The following ZFHX3 variants were observed in gnomAD, a reference collection of about 807,000 sequenced individuals.
The protein encoded by ZFHX3 is zinc finger homeobox protein 3.
In ZFHX3, 42 loss-of-function variants were observed where a neutral mutation model predicts 279.1. The ratio of observed to expected loss-of-function variants is 0.15; its 90% CI spans 0.12 to 0.19. The LOEUF is 0.19. Ranked by LOEUF, ZFHX3 falls within the 10% of genes least tolerant of loss-of-function variation. The pLI is 1.00. For missense variants in ZFHX3, 4,981 were observed against 4,754.0 expected (o/e 1.05, Z -1.40); for synonymous variants, 2,293 against 1,957.8 (o/e 1.17, Z -4.52).
At position 72,831,531 on chromosome 16, in the gene ZFHX3, A is replaced by G. The variant is rs543483709; in HGVS notation, c.3449-1672T>C. Among the ~76,000 whole-genome samples, 17 of 152,354 alleles carry G rather than the reference A, an allele frequency of 1.1e-4. No individual in the cohort carries two copies. In the Middle Eastern group the frequency reaches 0.01, roughly 91 times the overall value. On this transcript the variant is annotated intron_variant, in intron 4 of 9. Coordinates refer to ENST00000268489, the MANE Select transcript of ZFHX3 (RefSeq NM_006885.4). The stretch of plus-strand genomic sequence containing the variant: ...AACCACAGCTTGAAGTCAATCAGAT[A>G]TAGAGCCCCACATTGACACCATACA...
chr16:72,986,114 G>A (rs1244795423), intron 1 of ZFHX3, among the ~76,000 whole-genome samples: 4 of 149,818 alleles, frequency 2.7e-5, no homozygotes, highest in African/African-American at 9.8e-5. Context: ...CGGTTAACAT[G>A]TTCTTCCCAG....
intron 5 of ZFHX3, among the ~76,000 whole-genome samples, chr16:73,213,253 A>C (rs951242336): frequency 6.6e-6 from 1 of 152,200 alleles, no homozygotes; most frequent in African/African-American, 2.4e-5. Flanking sequence ...AATCACTTTT[A>C]TTGTGTGCAA....
At chr16:73,448,197 T>C (rs1233410346) in intron 3 of ZFHX3, among the ~76,000 whole-genome samples, 2 of 152,096 alleles carry the variant, frequency 1.3e-5, no homozygotes, top group Non-Finnish European at 2.9e-5. Flanking sequence ...CAAAAGATTA[T>C]ACATTAAGGT....
intron 5 of ZFHX3, among the ~76,000 whole-genome samples, chr16:73,245,361 T>C (rs1401649470): frequency 2.6e-5 from 4 of 152,186 alleles, no homozygotes; most frequent in African/African-American, 9.6e-5. Context: ...CCTCAAACTC[T>C]TGGGCTCTAG....
chr16:73,031,489 C>T (rs1222512163), intron 1 of ZFHX3, among the ~76,000 whole-genome samples: 1 of 152,200 alleles, frequency 6.6e-6, no homozygotes. Flanking sequence ...GAACCACAAC[C>T]TGCTTTTGAT....
intron 1 of ZFHX3, among the ~76,000 whole-genome samples, chr16:73,682,938 GAA>G (rs759801620): frequency 0.085 from 1,686 of 19,776 alleles, 138 homozygotes; most frequent in Middle Eastern, 0.24. Context: ...AAGAAAGAAA[GAA>G]AGAAAGAAAG....
chr16:73,091,747 G>A (rs1173492878), intron 8 of ZFHX3, among the ~76,000 whole-genome samples: 1 of 152,196 alleles, frequency 6.6e-6, no homozygotes. Context: ...GCATTTGACA[G>A]TGCCACTTAA....
chr16:72,862,043 T>C (rs2037904126), intron 4 of ZFHX3, among the ~76,000 whole-genome samples: 1 of 152,142 alleles, frequency 6.6e-6, no homozygotes, highest in Non-Finnish European at 1.5e-5. Context: ...AGAACTGGAA[T>C]TTTCTGTTTC....
chr16:72,991,063 T>G (rs1014450074), intron 1 of ZFHX3, among the ~76,000 whole-genome samples: 2 of 129,108 alleles, frequency 1.5e-5, no homozygotes, highest in Non-Finnish European at 3.3e-5. Context: ...ATGTACTGTA[T>G]AGCATTAGGA....
At position 73,817,076 on chromosome 16, in the gene ZFHX3, G is replaced by T. The variant is rs191482894; in HGVS notation, c.-1608+74575C>A. ...TATGTGACTTGTGATCACTGGGATG[G>T]CGATGAGGAAGGAGAAGGAGTAATT... On this transcript the variant is annotated intron_variant, in intron 1 of 17. Transcript: ENST00000641206. Among the ~76,000 whole-genome samples the T allele has an allele frequency of 3.6e-3, 544 of 152,278 alleles. 1 individual carries two copies. The highest frequency in any genetic ancestry group is 6.2e-3 in the Non-Finnish European group (423 of 68,022).
chr16:72,853,860 G>C (rs1416047491), intron 4 of ZFHX3, among the ~76,000 whole-genome samples: 1 of 151,920 alleles, frequency 6.6e-6, no homozygotes, highest in East Asian at 1.9e-4. Context: ...GGAGGAGAGA[G>C]CTAGGTGCAC....
intron 1 of ZFHX3, among the ~76,000 whole-genome samples, chr16:73,700,890 C>T (rs2053239909): frequency 1.3e-5 from 2 of 152,138 alleles, no homozygotes; most frequent in Non-Finnish European, 2.9e-5. Flanking sequence ...CTGAATTGGC[C>T]TTATTGTGAG....
intron 5 of ZFHX3, among the ~76,000 whole-genome samples, chr16:73,219,033 T>C (rs1015614820): frequency 6.6e-6 from 1 of 152,216 alleles, no homozygotes; most frequent in African/African-American, 2.4e-5. Flanking sequence ...TTCACATAAA[T>C]GGAATCCTAC....
upstream of ZFHX3, among the ~76,000 whole-genome samples, chr16:73,050,752 C>T (rs1965433347): frequency 6.6e-6 from 1 of 152,204 alleles, no homozygotes; most frequent in Non-Finnish European, 1.5e-5. Context: ...CCATCCTGAA[C>T]ACTGCTGACA....
chr16:73,387,304 T>C (rs1467784515), intron 3 of ZFHX3: 1 of 152,224 alleles, frequency 6.6e-6, no homozygotes, highest in Non-Finnish European at 1.5e-5. Flanking sequence ...CATTTCATTC[T>C]GCTTTGTGAA....
intron 2 of ZFHX3, among the ~76,000 whole-genome samples, chr16:73,496,022 G>A (rs545454715): frequency 3.9e-5 from 6 of 152,190 alleles, no homozygotes; most frequent in Non-Finnish European, 5.9e-5. Context: ...CAGAAAGAGA[G>A]CGACATATTA....
intron 3 of ZFHX3, among the ~76,000 whole-genome samples, chr16:73,395,724 C>G (rs2017113940): frequency 6.6e-6 from 1 of 151,888 alleles, no homozygotes; most frequent in South Asian, 2.1e-4. Context: ...GATTATGTGC[C>G]TAATACTTTA....
At chr16:73,183,056 T>G (rs568655646) in intron 5 of ZFHX3, among the ~76,000 whole-genome samples, 1 of 152,016 alleles carries the variant, frequency 6.6e-6, no homozygotes, top group Non-Finnish European at 1.5e-5. Context: ...AATACAAAAT[T>G]TAGCGGGGTG....
intron 4 of ZFHX3, among the ~76,000 whole-genome samples, chr16:72,878,777 C>CT (rs1282865438): frequency 6.6e-6 from 1 of 152,192 alleles, no homozygotes; most frequent in Non-Finnish European, 1.5e-5. Flanking sequence ...CCCTGGGCCT[C>CT]TGTACCAAGT....
Sources: allele counts gnomAD v4.1 joint callset (sites outside exome capture counted in the v4.1 genomes callset), GRCh38; gene constraint gnomAD v4.1.1; transcripts MANE v1.5; gene names NCBI Gene and HGNC (gene_info 2026-07-23, HGNC 2026-07-21).